ATG7: variants seen among roughly 807,000 people sequenced by gnomAD.
ATG7 encodes the protein ubiquitin-like modifier-activating enzyme ATG7.
ATG7 carries 70 observed loss-of-function variants against 82.4 expected under a neutral mutation model. That is an observed-to-expected ratio of 0.85 (90% CI 0.70 to 1.04). The LOEUF (loss-of-function observed/expected upper bound fraction) is 1.04, where lower values mean the gene tolerates loss of function less well. Among genes scored for constraint, ATG7 ranks in the 50% least tolerant of loss-of-function variants. ATG7 has a pLI of 0.00. For missense variants in ATG7, 792 were observed against 864.3 expected, an observed-to-expected ratio of 0.92 and a Z score of 1.05; for synonymous variants, 287 against 313.0, an observed-to-expected ratio of 0.92 and a Z score of 0.88.
In ATG7 at chr3:11,507,786, A is replaced by AG. The variant is rs530487203; in HGVS notation, c.2080-47025_2080-47024insG. On this transcript the variant is annotated intron_variant, in intron 20 of 20. Coordinates refer to ENST00000693202, the MANE Select transcript of ATG7 (RefSeq NM_001349232.2). ...CAGCAATTTTAAGTCCACACTCTAG[A>AG]TGTGGGAAGGAAGAGAGGAAATGGA... Among the ~76,000 whole-genome samples the AG allele has an allele frequency of 2.0e-3, 309 of 152,244 alleles. 4 individuals are homozygous for AG. The highest frequency in any genetic ancestry group is 7.2e-3 in the African/African-American group (301 of 41,544).
At chr3:11,366,805 C>T (rs1197013754) in intron 18 of ATG7, among the ~76,000 whole-genome samples, 2 of 152,074 alleles carry the variant, frequency 1.3e-5, no homozygotes, top group Non-Finnish European at 2.9e-5. Flanking sequence ...TAATCCCTCT[C>T]GGTGTTATTT....
At chr3:11,344,862 C>T (rs999609882) in intron 13 of ATG7, among the ~76,000 whole-genome samples, 1 of 152,136 alleles carries the variant, frequency 6.6e-6, no homozygotes, top group Non-Finnish European at 1.5e-5. Context: ...AAGCAAGACA[C>T]TGTCTCAATC....
chr3:11,541,021 T>C (rs925013734), intron 20 of ATG7, among the ~76,000 whole-genome samples: 2 of 150,634 alleles, frequency 1.3e-5, no homozygotes, highest in Non-Finnish European at 3.0e-5. Flanking sequence ...TGCCTCAGCC[T>C]CCCAAGTAGC....
At chr3:11,467,385 G>A (rs895610298) in intron 20 of ATG7, among the ~76,000 whole-genome samples, 6 of 152,050 alleles carry the variant, frequency 3.9e-5, no homozygotes, top group Non-Finnish European at 8.8e-5. Context: ...GTTTTGTTTC[G>A]TTTTGTTTTG....
intron 12 of ATG7, among the ~76,000 whole-genome samples, chr3:11,341,684 G>A (rs1285392498): frequency 6.6e-6 from 1 of 152,090 alleles, no homozygotes; most frequent in Non-Finnish European, 1.5e-5. Flanking sequence ...CTGACCTCAG[G>A]TGATCCGCCC....
chr3:11,354,650 C>CA (rs5846706), intron 14 of ATG7, among the ~76,000 whole-genome samples: 2,894 of 61,534 alleles, frequency 0.047, 69 homozygotes, highest in African/African-American at 0.086. Context: ...TCCATCTCAC[C>CA]AAAAAAAAAA....
rs1021981684 is a variant in ATG7, at chr3:11,347,361, A to G, written c.1126-516A>G. On this transcript the variant is annotated intron_variant, in intron 13 of 20. Transcript: ENST00000693202. ...AGACTTGTTCCCTAAATTCCAGATT[A>G]TTAATAAGGCTTTGCCTCTTGAAGA... Among the ~76,000 whole-genome samples, 3 of 152,268 alleles carry G rather than the reference A, an allele frequency of 2.0e-5. No individual in the cohort carries two copies. The East Asian group carries it at 5.8e-4, about 29-fold the overall frequency.
chr3:11,328,317 AT>A (rs1320543250), intron 9 of ATG7, among the ~76,000 whole-genome samples: 1 of 152,194 alleles, frequency 6.6e-6, no homozygotes, highest in Non-Finnish European at 1.5e-5. Flanking sequence ...CCTAGGCCTC[AT>A]TTAGTAAGAG....
intron 20 of ATG7, among the ~76,000 whole-genome samples, chr3:11,494,490 C>T (rs1248727808): frequency 1.3e-5 from 2 of 152,154 alleles, no homozygotes; most frequent in East Asian, 3.8e-4. Context: ...TCATAAACAT[C>T]GGTTCTATGG....
At chr3:11,474,293 A>AGC (rs1489419268) in intron 20 of ATG7, among the ~76,000 whole-genome samples, 1 of 152,238 alleles carries the variant, frequency 6.6e-6, no homozygotes, top group Non-Finnish European at 1.5e-5. Flanking sequence ...GCTAGTGATG[A>AGC]GCACAGTGAT....
At chr3:11,313,000 G>A (rs1948896606) in intron 7 of ATG7, among the ~76,000 whole-genome samples, 1 of 152,146 alleles carries the variant, frequency 6.6e-6, no homozygotes. Flanking sequence ...GGGTTTTGTA[G>A]GTTAAAGGAT....
chr3:11,340,225 A>G (rs1425005152), intron 11 of ATG7, among the ~76,000 whole-genome samples: 3 of 152,178 alleles, frequency 2.0e-5, no homozygotes, highest in African/African-American at 7.2e-5. Context: ...TAGGAACCTC[A>G]GTGAAGGGGT....
chr3:11,390,759 CAAG>C (rs10557675), intron 19 of ATG7, among the ~76,000 whole-genome samples: 2 of 13,890 alleles, frequency 1.4e-4, no homozygotes, highest in Non-Finnish European at 4.1e-4. Context: ...TAAAAAACTG[CAAG>C]TTAAAGTACT....
chr3:11,495,308 T>C (rs2090738076), intron 20 of ATG7, among the ~76,000 whole-genome samples: 1 of 152,102 alleles, frequency 6.6e-6, no homozygotes, highest in South Asian at 2.1e-4. Context: ...AAATGGAGAT[T>C]GGGGCTTCCT....
intron 19 of ATG7, among the ~76,000 whole-genome samples, chr3:11,413,634 G>C (rs921778843): frequency 4.6e-5 from 7 of 152,176 alleles, no homozygotes; most frequent in African/African-American, 1.7e-4. Flanking sequence ...AGTCAACACA[G>C]TTTACTGTTA....
intron 20 of ATG7, among the ~76,000 whole-genome samples, chr3:11,454,642 T>C (rs183177305): frequency 2.7e-4 from 41 of 152,298 alleles, no homozygotes; most frequent in Non-Finnish European, 2.9e-5. Context: ...CCCTTTTAGC[T>C]TGAGTAAATA....
At chr3:11,381,626 T>C (rs1466549645) in intron 19 of ATG7, among the ~76,000 whole-genome samples, 1 of 152,242 alleles carries the variant, frequency 6.6e-6, no homozygotes, top group Non-Finnish European at 1.5e-5. Context: ...TAATTAAATA[T>C]AGGTATCACT....
Position 11,492,576 on chromosome 3 carries a change from C to G in ATG7, c.2080-62235C>G, listed in dbSNP as rs182109751. On this transcript the variant is annotated intron_variant, in intron 20 of 20. Transcript: ENST00000693202. ...TCAGTCCGTTGTGCTCAACTCCTCG[C>G]GGGAGGGAGCACGTGAATGAATAAG... Among the ~76,000 whole-genome samples the G allele has an allele frequency of 2.0e-5, 3 of 152,336 alleles. No homozygotes were observed. In the South Asian group the frequency reaches 6.2e-4, roughly 32 times the overall value.
downstream of ATG7, chr3:11,559,585 C>A (rs2072778177): frequency 1.5e-6 from 2 of 1,337,976 alleles, no homozygotes; most frequent in Non-Finnish European, 9.8e-7. Context: ...CCTCCCACTT[C>A]AATACTGGAG....
Sources: allele counts gnomAD v4.1 joint callset (sites outside exome capture counted in the v4.1 genomes callset), GRCh38; gene constraint gnomAD v4.1.1; transcripts MANE v1.5; gene names NCBI Gene and HGNC (gene_info 2026-07-23, HGNC 2026-07-21).